Variants in PAK5 observed in about 807,000 individuals in gnomAD.
The protein encoded by PAK5 is p21 (RAC1) activated kinase 5, also known as serine/threonine-protein kinase PAK 5.
PAK5 carries 16 observed loss-of-function variants against 65.9 expected under a neutral mutation model. The observed-to-expected ratio is 0.24, with a 90% CI of 0.16 to 0.37. The LOEUF (loss-of-function observed/expected upper bound fraction) is 0.37. Among genes scored for constraint, PAK5 ranks in the 10% least tolerant of loss-of-function variants. The pLI is 1.00. For synonymous variants in PAK5, 371 were observed against 354.9 expected (o/e 1.05, Z -0.51); for missense variants, 785 against 903.9 (o/e 0.87, Z 1.69).
At chr20:9,707,782 T>A (rs1569051294) in intron 2 of PAK5, among the ~76,000 whole-genome samples, 1 of 152,042 alleles carries the variant, frequency 6.6e-6, no homozygotes, top group Admixed American at 6.6e-5. Context: ...CCACATCCAG[T>A]CAAGCACCAG....
At chr20:9,576,639 G>A (rs1280972708) in intron 4 of PAK5, among the ~76,000 whole-genome samples, 7 of 152,172 alleles carry the variant, frequency 4.6e-5, no homozygotes, top group East Asian at 1.9e-4. Context: ...ATTGCTTCAG[G>A]TATTAAAAGG....
chr20:9,723,782 C>T (rs369838475), intron 1 of PAK5, among the ~76,000 whole-genome samples: 17 of 152,186 alleles, frequency 1.1e-4, no homozygotes, highest in African/African-American at 4.1e-4. Context: ...TGTGCAAATC[C>T]AGCCAAATCA....
intron 1 of PAK5, among the ~76,000 whole-genome samples, chr20:9,760,219 G>A (rs193206291): frequency 1.1e-4 from 16 of 152,232 alleles, no homozygotes; most frequent in Admixed American, 1.0e-3. Context: ...GCCAAAAACA[G>A]AGACAGAAAC....
chr20:9,754,992 A>G (rs1384032885), intron 1 of PAK5, among the ~76,000 whole-genome samples: 1 of 152,230 alleles, frequency 6.6e-6, no homozygotes, highest in Non-Finnish European at 1.5e-5. Flanking sequence ...AATAAAACAT[A>G]TGATTTTAAG....
At chr20:9,649,638 T>G (rs1267588007) in intron 2 of PAK5, among the ~76,000 whole-genome samples, 1 of 152,056 alleles carries the variant, frequency 6.6e-6, no homozygotes, top group African/African-American at 2.4e-5. Context: ...CCAATTCAGG[T>G]CTCTACGAAC....
chr20:9,716,789 A>G (rs2048152019), intron 1 of PAK5, among the ~76,000 whole-genome samples: 2 of 152,164 alleles, frequency 1.3e-5, no homozygotes, highest in Non-Finnish European at 2.9e-5. Flanking sequence ...TGACTTTTAA[A>G]AAGCAATCTG....
chr20:9,616,508 T>C (rs575930492), intron 3 of PAK5, among the ~76,000 whole-genome samples: 2 of 152,362 alleles, frequency 1.3e-5, no homozygotes, highest in South Asian at 4.1e-4. Context: ...GTAGGGTTTC[T>C]CAAACTTTAA....
At chr20:9,615,160 T>C (rs888091746) in intron 3 of PAK5, among the ~76,000 whole-genome samples, 6 of 152,214 alleles carry the variant, frequency 3.9e-5, no homozygotes, top group Admixed American at 1.3e-4. Flanking sequence ...GATTAGTGGT[T>C]GTCCGGGGTT....
At chr20:9,573,647 A>C (rs2045832113) in intron 4 of PAK5, among the ~76,000 whole-genome samples, 1 of 152,184 alleles carries the variant, frequency 6.6e-6, no homozygotes, top group Non-Finnish European at 1.5e-5. Context: ...GGGGAGGGTG[A>C]GAGAAAGAAG....
intron 1 of PAK5, among the ~76,000 whole-genome samples, chr20:9,819,957 A>G (rs905769003): frequency 3.3e-5 from 5 of 152,184 alleles, no homozygotes; most frequent in African/African-American, 9.7e-5. Flanking sequence ...TAGCTTGCCC[A>G]AGAAAGAAAA....
Position 9,558,007 on chromosome 20 carries a change from C to CATTTATTTATGT in PAK5, c.1617-274_1617-273insACATAAATAAAT, listed in dbSNP as rs1555895454. Reference sequence around the variant, plus strand: ...TCATGCAAATGCACTTCCAGGAACTCATTTATTTATTTATTTATTTATTTA... The same window carrying CATTTATTTATGT: ...TCATGCAAATGCACTTCCAGGAACTCATTTATTTATGTATTTATTTATTTATTTATTTATTTA... On this transcript the variant is annotated intron_variant, in intron 6 of 9. Coordinates refer to ENST00000353224, the MANE Select transcript of PAK5 (RefSeq NM_177990.4). 6.2e-4 allele frequency among the ~76,000 whole-genome samples: 87 copies of CATTTATTTATGT among 140,718 alleles called. 1 individual carries two copies. The East Asian group carries it at 0.016, about 26-fold the overall frequency. 92.3% of individuals were successfully genotyped at this position (140,718 alleles called of 152,430 possible). A position where few individuals can be genotyped will look rare whatever the true frequency, so the allele number is the denominator to read the frequency against.
intron 3 of PAK5, among the ~76,000 whole-genome samples, chr20:9,617,870 A>G (rs1569002035): frequency 6.6e-6 from 1 of 152,144 alleles, no homozygotes; most frequent in Non-Finnish European, 1.5e-5. Context: ...CCCAATTCTT[A>G]TCTGAACAGC....
At chr20:9,792,842 A>C (rs1427171209) in intron 1 of PAK5, among the ~76,000 whole-genome samples, 1 of 152,120 alleles carries the variant, frequency 6.6e-6, no homozygotes, top group African/African-American at 2.4e-5. Flanking sequence ...TGGCACCTGG[A>C]ATCCTTCTAG....
chr20:9,811,185 C>T (rs535272416), intron 1 of PAK5, among the ~76,000 whole-genome samples: 2 of 152,264 alleles, frequency 1.3e-5, no homozygotes, highest in South Asian at 4.1e-4. Flanking sequence ...TGATCCCCTC[C>T]TTATAAATTA....
chr20:9,790,930 C>T (rs2049044116), intron 1 of PAK5, among the ~76,000 whole-genome samples: 1 of 152,146 alleles, frequency 6.6e-6, no homozygotes, highest in African/African-American at 2.4e-5. Flanking sequence ...CTTCCGTGGC[C>T]TCTCCACATC....
chr20:9,670,225 T>A (rs921940288), intron 2 of PAK5, among the ~76,000 whole-genome samples: 6 of 152,232 alleles, frequency 3.9e-5, no homozygotes, highest in Admixed American at 2.6e-4. Flanking sequence ...AGTGCCTCAA[T>A]AAACATACAT....
intron 1 of PAK5, among the ~76,000 whole-genome samples, chr20:9,802,033 T>A (rs371922589): frequency 9.9e-5 from 15 of 152,240 alleles, no homozygotes; most frequent in African/African-American, 3.6e-4. Context: ...CTTCTGAGAA[T>A]CCATAAAAAA....
At chr20:9,678,004 G>A (rs2047597818) in intron 2 of PAK5, among the ~76,000 whole-genome samples, 1 of 152,152 alleles carries the variant, frequency 6.6e-6, no homozygotes, top group Admixed American at 6.5e-5. Context: ...AAGGGACCAT[G>A]GGCTCATCAG....
intron 1 of PAK5, among the ~76,000 whole-genome samples, chr20:9,807,762 A>AAATAATAATAATAATAAT (rs71184158): frequency 0.042 from 5,907 of 142,256 alleles, 175 homozygotes; most frequent in Middle Eastern, 0.068. Flanking sequence ...AGCAAAAAAT[A>AAATAATAATAATAATAAT]AATAATAATA....
Sources: gnomAD v4.1 joint callset for allele counts (sites outside exome capture counted in the v4.1 genomes callset) on GRCh38, gnomAD v4.1.1 for gene constraint, MANE v1.5 for transcripts, NCBI Gene and HGNC (gene_info 2026-07-23, HGNC 2026-07-21) for gene names.